Variants in CLU observed in about 807,000 individuals in gnomAD.
The protein encoded by CLU is aging-associated protein 4.
A neutral mutation model predicts 46.4 loss-of-function variants in CLU; 25 were observed. The ratio of observed to expected loss-of-function variants is 0.54; its 90% CI spans 0.39 to 0.75. The LOEUF (loss-of-function observed/expected upper bound fraction) is 0.75, where lower values mean the gene tolerates loss of function less well. Ranked by LOEUF, CLU falls within the 30% of genes least tolerant of loss-of-function variation. The pLI is 0.00. For missense variants in CLU, 504 were observed against 592.1 expected, an observed-to-expected ratio of 0.85 and a Z score of 1.54; for synonymous variants, 235 against 235.1, an observed-to-expected ratio of 1.00 and a Z score of 0.00.
rs1250004951 is a variant in CLU at position 27,614,681 on chromosome 8, G to C, written c.-56C>G. 1.9e-6 allele frequency: 1 copy of C among 532,478 alleles called. No individual in the cohort carries two copies. The highest frequency in any genetic ancestry group is 3.9e-6 in the Non-Finnish European group (1 of 258,576). The allele number at this position is 532,478 out of a possible 1,614,324, so 33.0% of individuals were successfully genotyped here. On this transcript the variant is annotated 5_prime_UTR_variant, in exon 1 of 9. Transcript: ENST00000316403. ...GGTCAGCGGCACCCTGTGCCCGCGC[G>C]CTCCTCCTGGCGACGCCGCGTTGTG...
At chr8:27,608,179 G>A (rs529936877) in intron 3 of CLU, among the ~76,000 whole-genome samples, 12 of 152,138 alleles carry the variant, frequency 7.9e-5, no homozygotes, top group East Asian at 7.7e-4. Flanking sequence ...TGCTCAAAGC[G>A]GCCAGGAAAA....
At chr8:27,602,816 G>C (rs943083642) in intron 6 of CLU, among the ~76,000 whole-genome samples, 3 of 152,078 alleles carry the variant, frequency 2.0e-5, no homozygotes, top group Admixed American at 6.6e-5. Context: ...TGTAATCCCA[G>C]AACTTTGGGA....
Position 27,599,988 on chromosome 8 carries a change from G to A in CLU, c.956C>T (p.Ser319Phe), listed in dbSNP as rs1179456799. Reference sequence around the variant, plus strand: ...GAGCTCCCGCCGCAGCTTAGCCTGGGAGGGGTTGTTGGTGGAACAGTCTGC... The same window carrying A: ...GAGCTCCCGCCGCAGCTTAGCCTGGAAGGGGTTGTTGGTGGAACAGTCTGC... ...LSVDCSTNNPSQAKLRRELDE... is the reference protein window; with the variant it reads ...LSVDCSTNNPFQAKLRRELDE... The change falls in exon 7 of 9, where the codon TCC becomes TTC. Residue 319 changes from serine (S) to phenylalanine (F), a missense_variant. Physicochemically the swap from Ser to Phe is radical, Grantham distance 155 (BLOSUM62 -2). Around this residue, in one of 3 missense-constraint regions of CLU, gnomAD observed 428 missense variants for 484.0 expected, o/e 0.88. Coordinates refer to ENST00000316403, the MANE Select transcript of CLU (RefSeq NM_001831.4). The surrounding 1 kb of genome is among the most constrained non-coding windows in gnomAD (Gnocchi z 4.0). The A allele has an allele frequency of 1.1e-5, 17 of 1,614,054 alleles. 1 individual carries two copies. The highest frequency in any genetic ancestry group is 1.4e-5 in the Non-Finnish European group (17 of 1,180,028).
chr8:27,603,914 G>A (rs930069094), intron 6 of CLU, among the ~76,000 whole-genome samples: 1 of 152,212 alleles, frequency 6.6e-6, no homozygotes, highest in Non-Finnish European at 1.5e-5. Context: ...TGTCTGCAAT[G>A]TCATAATCTG....
chr8:27,598,945 A>G (rs571082283), intron 7 of CLU: 2 of 311,648 alleles, frequency 6.4e-6, no homozygotes, highest in East Asian at 6.8e-5. Context: ...GTAGGGTAGA[A>G]AAGGAATCCA....
At chr8:27,604,094 T>C (rs1422119422) in intron 6 of CLU, 197 bp downstream of exon 6, 3 of 610,814 alleles carry the variant, frequency 4.9e-6, no homozygotes, top group Non-Finnish European at 8.9e-6. Flanking sequence ...CAGCCTCGCA[T>C]CATCATCTCA....
chr8:27,613,077 G>A (rs113644261), intron 1 of CLU, among the ~76,000 whole-genome samples: 1 of 152,008 alleles, frequency 6.6e-6, no homozygotes, highest in African/African-American at 2.4e-5. Flanking sequence ...GCAGGGCAGG[G>A]CTGGAGGCTT....
intron 6 of CLU, among the ~76,000 whole-genome samples, chr8:27,602,492 T>C (rs1371062575): frequency 6.6e-6 from 1 of 151,652 alleles, no homozygotes; most frequent in Non-Finnish European, 1.5e-5. Flanking sequence ...AGTCTGTTAC[T>C]CAGGAGGCTG....
At chr8:27,605,474 G>A (rs1800806568) in intron 4 of CLU, 139 bp from the exon 5 acceptor site, 3 of 838,006 alleles carry the variant, frequency 3.6e-6, no homozygotes, top group Admixed American at 4.0e-5. Context: ...AGCCCAGCTG[G>A]GACCAGCCCC....
Position 27,608,925 on chromosome 8 carries a change from G to A in CLU, c.246+13C>T, listed in dbSNP as rs114655561. 9.8e-4 allele frequency: 1,577 copies of A among 1,614,096 alleles called. 11 individuals carry two copies. The African/African-American group carries it at 0.018, about 18-fold the overall frequency. ...ATGGTCAAGGCAGGGAGGCGGTAGC[G>A]GCTCCTCCTGACCTCTTTCTTCTTC... On this transcript the variant is annotated intron_variant, in intron 3 of 8. Coordinates refer to ENST00000316403, the MANE Select transcript of CLU (RefSeq NM_001831.4).
rs1051298300 is a variant in CLU, at chr8:27,599,421, C to T, written c.1164+359G>A. ...GCCATTTTACATGCCAGAGGGCAGC[C>T]TTGTAGCTTTGAGAAAAGAACAGAG... On this transcript the variant is annotated intron_variant, in intron 7 of 8. Coordinates refer to ENST00000316403, the MANE Select transcript of CLU (RefSeq NM_001831.4). The surrounding 1 kb of genome is among the most constrained non-coding windows in gnomAD (Gnocchi z 4.0). 2.3e-5 allele frequency: 7 copies of T among 304,156 alleles called. No individual in the cohort carries two copies. Among genetic ancestry groups the T allele is most frequent in the Non-Finnish European group, 3.8e-5 (6 of 158,426 alleles). 18.8% of individuals were successfully genotyped at this position (304,156 alleles called of 1,614,324 possible).
At position 27,598,164 on chromosome 8, in the gene CLU, T is replaced by C; in HGVS notation, c.*77A>G. ...GGTTACTTGGTGACGTGCAGAGCTC[T>C]CTCTGGGGGGCTGCAGCTCATCTTG... On this transcript the variant is annotated 3_prime_UTR_variant, in exon 9 of 9. Coordinates refer to ENST00000316403, the MANE Select transcript of CLU (RefSeq NM_001831.4). The C allele has an allele frequency of 6.6e-7, 1 of 1,513,656 alleles. No homozygotes were observed. Among genetic ancestry groups the C allele is most frequent in the South Asian group, 1.1e-5 (1 of 87,810 alleles). The allele number at this position is 1,513,656 out of a possible 1,614,324, so 93.8% of individuals were successfully genotyped here. A position where few individuals can be genotyped will look rare whatever the true frequency, so the allele number is the denominator to read the frequency against.
At chr8:27,613,350 T>G (rs1306181408) in intron 1 of CLU, among the ~76,000 whole-genome samples, 6 of 149,416 alleles carry the variant, frequency 4.0e-5, no homozygotes, top group Non-Finnish European at 8.9e-5. Context: ...GGCGCTACTC[T>G]ACTCCAGCCT....
intron 1 of CLU, chr8:27,611,044 A>G (rs931864646): frequency 4.2e-5 from 16 of 382,238 alleles, no homozygotes; most frequent in African/African-American, 2.7e-4. Context: ...ACTGCATCCC[A>G]GAGACCAGCC....
intron 4 of CLU, among the ~76,000 whole-genome samples, chr8:27,605,652 C>G (rs1409978477): frequency 1.3e-5 from 2 of 152,254 alleles, no homozygotes; most frequent in East Asian, 3.8e-4. Context: ...TAAGGGCCAA[C>G]TGATGTGACT....
At chr8:27,608,851 CA>C (rs1800869628) in intron 3 of CLU, 86 bp downstream of exon 3, 1 of 1,460,504 alleles carries the variant, frequency 6.8e-7, no homozygotes, top group Non-Finnish European at 9.6e-7. Flanking sequence ...GTCACCATGG[CA>C]ACCCAGCAGG....
chr8:27,610,682 C>A (rs1800909635), intron 1 of CLU, 82 bp from the exon 2 acceptor site: 2 of 1,014,496 alleles, frequency 2.0e-6, no homozygotes, highest in East Asian at 2.4e-5. Flanking sequence ...AGCAGCTCCC[C>A]AGGGCCTCAC....
In CLU at chr8:27,598,496, G is replaced by A. The variant is rs1034802405; in HGVS notation, c.1304C>T (p.Ala435Val). ...GCGGTATTCCTGCAGCGCTTTCTCC[G>A]CCACGGTCTCCATAAATTTAGGGTT... ...RKNPKFMETVAEKALQEYRKK... is the reference protein window; with the variant it reads ...RKNPKFMETVVEKALQEYRKK... The change falls in exon 8 of 9, where the codon GCG becomes GTG. Residue 435 changes from alanine (A) to valine (V), a missense_variant. Coordinates refer to ENST00000316403, the MANE Select transcript of CLU (RefSeq NM_001831.4). The A allele has an allele frequency of 1.4e-5, 23 of 1,614,006 alleles. No individual in the cohort carries two copies. Among genetic ancestry groups the A allele is most frequent in the Non-Finnish European group, 1.8e-5 (21 of 1,180,012 alleles).
At position 27,599,650 on chromosome 8, in the gene CLU, G is replaced by C; in HGVS notation, c.1164+130C>G. ...CCCTGAGTGGGTGATGAGGCTTCAA[G>C]GCAACAGGGGCGCCTAAAGTTTTCT... On this transcript the variant is annotated intron_variant, in intron 7 of 8. Coordinates refer to ENST00000316403, the MANE Select transcript of CLU (RefSeq NM_001831.4). The surrounding 1 kb of genome is among the most constrained non-coding windows in gnomAD (Gnocchi z 4.0). 1 of 721,552 alleles carries C rather than the reference G, an allele frequency of 1.4e-6. No individual in the cohort carries two copies. Among genetic ancestry groups the C allele is most frequent in the Non-Finnish European group, 2.4e-6 (1 of 410,750 alleles). 44.7% of individuals were successfully genotyped at this position (721,552 alleles called of 1,614,324 possible). A position where few individuals can be genotyped will look rare whatever the true frequency, so the allele number is the denominator to read the frequency against.
Sources: gnomAD v4.1 joint callset for allele counts (sites outside exome capture counted in the v4.1 genomes callset) on GRCh38, gnomAD v4.1.1 for gene constraint, gnomAD v4.1.1 regional missense constraint, Gnocchi (gnomAD v3.1) non-coding constraint, MANE v1.5 for transcripts, NCBI Gene and HGNC (gene_info 2026-07-23, HGNC 2026-07-21) for gene names.